The following PTPRN2 variants were observed in gnomAD, a reference collection of about 807,000 sequenced individuals.
PTPRN2 encodes the protein protein tyrosine phosphatase receptor type N2, also known as receptor-type tyrosine-protein phosphatase N2.
Under a neutral mutation model 118.8 loss-of-function variants are expected in PTPRN2, and 74 were observed. The ratio of observed to expected loss-of-function variants is 0.62; its 90% CI spans 0.52 to 0.76. The LOEUF is 0.76. Among genes scored for constraint, PTPRN2 ranks in the 30% least tolerant of loss-of-function variants. The pLI is 0.00. For missense variants in PTPRN2, 1,481 were observed against 1,394.4 expected, an observed-to-expected ratio of 1.06 and a Z score of -0.99; for synonymous variants, 641 against 608.0, an observed-to-expected ratio of 1.05 and a Z score of -0.80.
Position 157,650,706 on chromosome 7 carries a change from G to C in PTPRN2, c.2196+5651C>G, listed in dbSNP as rs181149459. On this transcript the variant is annotated intron_variant, in intron 14 of 22. Transcript: ENST00000389418. Reference sequence around the variant, plus strand: ...CAGGGCACTGGGTCTGAAGGTGGAGGGACTGGGGCCAGGGGAGCGCCTGCC... The same window carrying C: ...CAGGGCACTGGGTCTGAAGGTGGAGCGACTGGGGCCAGGGGAGCGCCTGCC... Among the ~76,000 whole-genome samples the C allele has an allele frequency of 3.9e-4, 59 of 152,376 alleles. 1 individual carries two copies. In the East Asian group the frequency reaches 0.01, roughly 26 times the overall value.
intron 12 of PTPRN2, among the ~76,000 whole-genome samples, chr7:157,841,793 T>C (rs1282141767): frequency 6.6e-6 from 1 of 152,172 alleles, no homozygotes; most frequent in East Asian, 1.9e-4. Flanking sequence ...TATTGCAGCG[T>C]TCGGGGTGCT....
intron 12 of PTPRN2, among the ~76,000 whole-genome samples, chr7:157,741,436 C>T (rs1393834928): frequency 6.6e-6 from 1 of 152,176 alleles, no homozygotes; most frequent in Non-Finnish European, 1.5e-5. Context: ...CTCTTCGGCA[C>T]CTAGAGCCCC....
chr7:157,749,462 T>A (rs1304402572), intron 12 of PTPRN2, among the ~76,000 whole-genome samples: 1 of 124,076 alleles, frequency 8.1e-6, no homozygotes, highest in South Asian at 2.9e-4. Flanking sequence ...CTGTGGCCTG[T>A]GTCCCTGAGC....
Position 157,669,244 on chromosome 7 carries a change from G to A in PTPRN2, c.2002-12693C>T, listed in dbSNP as rs142451032. 5.0e-3 allele frequency among the ~76,000 whole-genome samples: 758 copies of A among 152,308 alleles called. 11 individuals carry two copies. Among genetic ancestry groups the A allele is most frequent in the African/African-American group, 0.018 (728 of 41,580 alleles). ...AGGGGAGCCTCCCTTCTTCTGCCAC[G>A]GAGTCAGGGCCCCGGCAGCCGAGCC... On this transcript the variant is annotated intron_variant, in intron 13 of 22. Transcript: ENST00000389418.
intron 11 of PTPRN2, among the ~76,000 whole-genome samples, chr7:157,970,499 G>C (rs1802245720): frequency 6.6e-6 from 1 of 152,250 alleles, no homozygotes; most frequent in Non-Finnish European, 1.5e-5. Context: ...GAGTGAAGCT[G>C]TGCCAGAGCC....
chr7:158,514,009 G>A (rs944939617), intron 1 of PTPRN2, among the ~76,000 whole-genome samples: 14 of 152,136 alleles, frequency 9.2e-5, no homozygotes, highest in African/African-American at 1.2e-4. Context: ...ATCAACGCAC[G>A]ATGACTGCAC....
At chr7:158,461,301 C>T (rs1468287990) in intron 2 of PTPRN2, among the ~76,000 whole-genome samples, 3 of 152,148 alleles carry the variant, frequency 2.0e-5, no homozygotes, top group South Asian at 2.1e-4. Context: ...CAAGACCATC[C>T]TGGCTAACAC....
At chr7:158,016,739 C>G (rs1806487590) in intron 11 of PTPRN2, among the ~76,000 whole-genome samples, 1 of 152,170 alleles carries the variant, frequency 6.6e-6, no homozygotes. Context: ...TTGGGTGGAT[C>G]GCAGAGAAGC....
Position 157,676,372 on chromosome 7 carries a change from G to A in PTPRN2, c.2001+6353C>T, listed in dbSNP as rs867807778. Among the ~76,000 whole-genome samples the A allele has an allele frequency of 2.0e-5, 3 of 152,274 alleles. No individual in the cohort carries two copies. Among genetic ancestry groups the A allele is most frequent in the South Asian group, 2.1e-4 (1 of 4,828 alleles). ...CCTCCTCTGTCATCTCCAAGGATTTGATTTCAGTTTCACACGAATCACCTC... is the reference window on the plus strand; with the variant it reads ...CCTCCTCTGTCATCTCCAAGGATTTAATTTCAGTTTCACACGAATCACCTC... On this transcript the variant is annotated intron_variant, in intron 13 of 22. Transcript: ENST00000389418. This position sits in a 1 kb window ranked among gnomAD's most constrained non-coding sequence, Gnocchi z 5.6.
intron 11 of PTPRN2, among the ~76,000 whole-genome samples, chr7:158,008,968 G>C (rs1221180773): frequency 6.6e-6 from 1 of 152,048 alleles, no homozygotes; most frequent in African/African-American, 2.4e-5. Context: ...TTTCACCTTT[G>C]TTTCCAAGAT....
At chr7:158,049,215 ATCAT>A (rs1809148284) in intron 11 of PTPRN2, among the ~76,000 whole-genome samples, 1 of 78,734 alleles carries the variant, frequency 1.3e-5, no homozygotes, top group African/African-American at 4.5e-5. Context: ...CATCATCATC[ATCAT>A]TGTCATCAGC....
At chr7:158,249,145 CAT>C (rs897083417) in intron 3 of PTPRN2, among the ~76,000 whole-genome samples, 105 of 151,030 alleles carry the variant, frequency 7.0e-4, no homozygotes, top group African/African-American at 1.6e-3. Context: ...ACGTGAATCA[CAT>C]ATTCATATCA....
chr7:158,081,317 C>G lies in PTPRN2; in HGVS notation c.1704G>C (p.Glu568Asp), dbSNP rs374647524. The change falls in exon 11 of 23, where the codon GAG becomes GAC. Residue 568 changes from glutamate to aspartate, a missense_variant. By Grantham distance (45) the Glu-to-Asp change is conservative (BLOSUM62 2). Around this residue, in one of 3 missense-constraint regions of PTPRN2, gnomAD observed 1,115 missense variants for 994.2 expected, o/e 1.12. Coordinates refer to ENST00000389418, the MANE Select transcript of PTPRN2 (RefSeq NM_002847.5). ...CCTCACCTGTGGCCTTCTCCACATCCTCAGTGGTCACGTTTTGGACATTGG... is the reference window on the plus strand; with the variant it reads ...CCTCACCTGTGGCCTTCTCCACATCGTCAGTGGTCACGTTTTGGACATTGG... ...VSANVQNVTT[E>D]DVEKATVDNK... The G allele has an allele frequency of 3.7e-6, 6 of 1,614,018 alleles. No homozygotes were observed. The African/African-American group carries it at 8.0e-5, about 22-fold the overall frequency.
At chr7:158,399,263 A>T (rs1812764192) in intron 2 of PTPRN2, among the ~76,000 whole-genome samples, 1 of 152,230 alleles carries the variant, frequency 6.6e-6, no homozygotes, top group African/African-American at 2.4e-5. Context: ...TGAATTGTTG[A>T]AAGTGGGTGT....
intron 3 of PTPRN2, among the ~76,000 whole-genome samples, chr7:158,274,959 C>A (rs1194974458): frequency 1.3e-5 from 2 of 152,342 alleles, no homozygotes; most frequent in African/African-American, 4.8e-5. Flanking sequence ...TTCAAATCCA[C>A]CACAGATCAA....
chr7:157,809,270 C>T (rs1805822922), intron 12 of PTPRN2, among the ~76,000 whole-genome samples: 1 of 150,972 alleles, frequency 6.6e-6, no homozygotes, highest in Non-Finnish European at 1.5e-5. Flanking sequence ...TGGAAGGAGC[C>T]CGGCACCACC....
In PTPRN2 at chr7:158,075,967, C is replaced by T. The variant is rs149625362; in HGVS notation, c.1723+5331G>A. Among the ~76,000 whole-genome samples the T allele has an allele frequency of 2.8e-3, 420 of 152,316 alleles. 4 individuals carry two copies. Among genetic ancestry groups the T allele is most frequent in the African/African-American group, 9.6e-3 (401 of 41,574 alleles). On this transcript the variant is annotated intron_variant, in intron 11 of 22. Coordinates refer to ENST00000389418, the MANE Select transcript of PTPRN2 (RefSeq NM_002847.5). ...CACACCTCCAGTCTCACTGCTCTGG[C>T]GCTGTTTCTCAGCTGCACCCTGGAG...
At chr7:158,437,007 G>GA (rs1816617295) in intron 2 of PTPRN2, among the ~76,000 whole-genome samples, 1 of 152,144 alleles carries the variant, frequency 6.6e-6, no homozygotes, top group East Asian at 1.9e-4. Flanking sequence ...CTTCAGGTTT[G>GA]AAAAAAATCA....
intron 2 of PTPRN2, among the ~76,000 whole-genome samples, chr7:158,333,757 T>C (rs1367552113): frequency 1.4e-5 from 2 of 146,772 alleles, no homozygotes; most frequent in Non-Finnish European, 3.0e-5. Context: ...CCATAAGAGC[T>C]GACACCCGCA....
Sources: gnomAD v4.1 joint callset for allele counts (sites outside exome capture counted in the v4.1 genomes callset) on GRCh38, gnomAD v4.1.1 for gene constraint, gnomAD v4.1.1 regional missense constraint, Gnocchi (gnomAD v3.1) non-coding constraint, MANE v1.5 for transcripts, NCBI Gene and HGNC (gene_info 2026-07-23, HGNC 2026-07-21) for gene names.